The following FAM135B variants were observed in gnomAD, a reference collection of about 807,000 sequenced individuals.
The protein encoded by FAM135B is protein FAM135B.
A neutral mutation model predicts 127.7 loss-of-function variants in FAM135B; 43 were observed. That is an observed-to-expected ratio of 0.34 (90% CI 0.26 to 0.43). FAM135B has a LOEUF of 0.43. FAM135B is among the 20% of genes least tolerant of loss of function. The pLI is 1.00. For missense variants in FAM135B, 1,558 were observed against 1,725.6 expected (o/e 0.90, Z 1.72); for synonymous variants, 670 against 665.1 (o/e 1.01, Z -0.11).
intron 12 of FAM135B, among the ~76,000 whole-genome samples, chr8:138,163,663 C>T (rs1819627981): frequency 6.6e-6 from 1 of 152,154 alleles, no homozygotes; most frequent in Non-Finnish European, 1.5e-5. Context: ...CGTGTGATGC[C>T]TCCCTAGCCA....
intron 9 of FAM135B, among the ~76,000 whole-genome samples, chr8:138,192,063 G>A (rs149009707): frequency 2.0e-3 from 303 of 152,270 alleles, no homozygotes; most frequent in African/African-American, 6.7e-3. Flanking sequence ...CTGTTTCTTC[G>A]TCCACTGAAC....
At position 138,152,078 on chromosome 8, in the gene FAM135B, T is replaced by G. The variant is rs2130755259; in HGVS notation, c.2397A>C (p.Ser799=). The G allele has an allele frequency of 6.2e-7, 1 of 1,613,958 alleles. No individual in the cohort carries two copies. The highest frequency in any genetic ancestry group is 1.1e-5 in the South Asian group (1 of 91,080). ...AACCTTGGCTCTTGCTGTGCATATC[T>G]GAAGGTTCAGCAAAACCTCCATCTT... ...KQQDGGFAEP[S]DMHSKSQGSP... The change falls in exon 13 of 20, where the codon TCA becomes TCC. Residue 799 remains serine, a synonymous_variant. Coordinates refer to ENST00000395297, the MANE Select transcript of FAM135B (RefSeq NM_015912.4).
intron 2 of FAM135B, among the ~76,000 whole-genome samples, chr8:138,334,982 C>T (rs1410676626): frequency 1.3e-5 from 2 of 152,160 alleles, no homozygotes; most frequent in Non-Finnish European, 1.5e-5. Flanking sequence ...CATTTATAAT[C>T]CTTATGCATG....
In FAM135B at chr8:138,141,097, G is replaced by A. The variant is rs116578264; in HGVS notation, c.3790+101C>T. ...CTCCATGCCATGCTTGGAAAAGACT[G>A]CACAGTCACAGGGTTCCAAGTGGAA... is the stretch of plus-strand genomic sequence containing the variant. On this transcript the variant is annotated intron_variant, in intron 17 of 19. Coordinates refer to ENST00000395297, the MANE Select transcript of FAM135B (RefSeq NM_015912.4). This position sits in a 1 kb window ranked among gnomAD's most constrained non-coding sequence, Gnocchi z 4.7. The A allele has an allele frequency of 8.5e-4, 981 of 1,153,794 alleles. 14 individuals carry two copies. In the African/African-American group the frequency reaches 0.014, roughly 16 times the overall value. 71.5% of individuals were successfully genotyped at this position (1,153,794 alleles called of 1,614,324 possible).
chr8:138,493,111 C>T (rs147329232), intron 1 of FAM135B, among the ~76,000 whole-genome samples: 240 of 152,292 alleles, frequency 1.6e-3, no homozygotes, highest in African/African-American at 5.5e-3. Context: ...ATCTCCCTCA[C>T]GAGTCACTCC....
At chr8:138,477,519 T>A (rs1406965254) in intron 1 of FAM135B, 1 of 152,194 alleles carries the variant, frequency 6.6e-6, no homozygotes, top group Non-Finnish European at 1.5e-5. Context: ...TTGATCGTCA[T>A]GGCTACAAGG....
intron 3 of FAM135B, among the ~76,000 whole-genome samples, chr8:138,278,869 T>C (rs556711350): frequency 1.3e-5 from 2 of 152,308 alleles, no homozygotes; most frequent in African/African-American, 4.8e-5. Flanking sequence ...TCAAATGAGA[T>C]GATACAAATC....
At chr8:138,314,663 GC>G (rs1458054545) in intron 2 of FAM135B, among the ~76,000 whole-genome samples, 5 of 108,188 alleles carry the variant, frequency 4.6e-5, no homozygotes, top group African/African-American at 1.4e-4. Flanking sequence ...TTGAGCCCAG[GC>G]TAGGCAATAT....
At chr8:138,348,960 T>A (rs1829601841) in intron 2 of FAM135B, among the ~76,000 whole-genome samples, 1 of 152,256 alleles carries the variant, frequency 6.6e-6, no homozygotes. Flanking sequence ...CAGAGAGTTG[T>A]GGCCAGGGCC....
chr8:138,371,962 C>G (rs1020558539), intron 1 of FAM135B, among the ~76,000 whole-genome samples: 1 of 152,184 alleles, frequency 6.6e-6, no homozygotes, highest in African/African-American at 2.4e-5. Flanking sequence ...GCAGACCTTG[C>G]CCTCATGATG....
intron 3 of FAM135B, among the ~76,000 whole-genome samples, chr8:138,275,059 T>G (rs1313407341): frequency 6.6e-6 from 1 of 152,142 alleles, no homozygotes; most frequent in Non-Finnish European, 1.5e-5. Context: ...ATTGGGGAAG[T>G]GATAAGTGTC....
chr8:138,239,562 T>G (rs1230693510), intron 7 of FAM135B, among the ~76,000 whole-genome samples: 1 of 152,246 alleles, frequency 6.6e-6, no homozygotes, highest in African/African-American at 2.4e-5. Context: ...TTAGTTTAAC[T>G]AGTTCAACAT....
In FAM135B at chr8:138,197,610, G is replaced by C. The variant is rs1400659684; in HGVS notation, c.729C>G (p.Asp243Glu). 3.7e-6 allele frequency: 6 copies of C among 1,614,182 alleles called. No homozygotes were observed. Residue 243 changes from aspartate to glutamate, a missense_variant, in exon 8 of 20, where the codon GAC (aspartate) becomes GAG (glutamate). Asp to Glu is a conservative substitution (Grantham distance 45, BLOSUM62 2). Around this residue, in one of 5 missense-constraint regions of FAM135B, gnomAD observed 127 missense variants for 109.7 expected, o/e 1.16. Transcript: ENST00000395297. ...AAGCGTGGAGGAGCAACAGGCACAG[G>C]TCTCGGTGCCACTTGTGTGCGTGCT... Reference protein sequence around the residue: ...CMQHAHKWHRDLCLLLLHAYR... With the variant: ...CMQHAHKWHRELCLLLLHAYR...
In FAM135B at chr8:138,151,714, T is replaced by G; in HGVS notation, c.2761A>C (p.Ser921Arg). The G allele has an allele frequency of 6.2e-7, 1 of 1,614,204 alleles. No individual in the cohort carries two copies. The highest frequency in any genetic ancestry group is 2.2e-5 in the East Asian group (1 of 44,876). Reference sequence around the variant, plus strand: ...AGACCCTCAACCTCTGAGATGCCACTGTTGGAAAGAGCTTGCTGACCCACA... The same window carrying G: ...AGACCCTCAACCTCTGAGATGCCACGGTTGGAAAGAGCTTGCTGACCCACA... ...LNVGQQALSN[S>R]GISEVEGLSQ... is the part of the protein sequence containing the mutation. Residue 921 changes from serine (S) to arginine (R), a missense_variant, in exon 13 of 20, where the codon AGT (serine) becomes CGT (arginine). By Grantham distance (110) the Ser-to-Arg change is moderately radical (BLOSUM62 -1). This residue lies in a region of FAM135B where 923 missense variants were observed against 865.3 expected (regional missense o/e 1.07). Transcript: ENST00000395297.
intron 15 of FAM135B, among the ~76,000 whole-genome samples, chr8:138,143,346 G>A (rs1307105263): frequency 6.6e-6 from 1 of 152,190 alleles, no homozygotes; most frequent in African/African-American, 2.4e-5. Context: ...TGACACTGAA[G>A]TAGCAAGCTT....
intron 1 of FAM135B, among the ~76,000 whole-genome samples, chr8:138,379,125 C>T (rs1563951851): frequency 6.6e-6 from 1 of 152,158 alleles, no homozygotes; most frequent in African/African-American, 2.4e-5. Flanking sequence ...AAACAGACTC[C>T]TAAGTGTGTG....
chr8:138,266,769 CAT>C (rs1181978598), intron 3 of FAM135B, among the ~76,000 whole-genome samples: 35 of 121,474 alleles, frequency 2.9e-4, no homozygotes, highest in East Asian at 4.8e-4. Flanking sequence ...CATGTAAATA[CAT>C]ATATATACAC....
intron 3 of FAM135B, among the ~76,000 whole-genome samples, chr8:138,268,765 A>ATG (rs1823144825): frequency 6.6e-6 from 1 of 152,170 alleles, no homozygotes; most frequent in Non-Finnish European, 1.5e-5. Context: ...TTTCCTAGCT[A>ATG]TGTGGTAAAT....
chr8:138,391,926 G>A (rs552576454), intron 1 of FAM135B, among the ~76,000 whole-genome samples: 1 of 152,134 alleles, frequency 6.6e-6, no homozygotes, highest in Non-Finnish European at 1.5e-5. Flanking sequence ...TCATCACTAG[G>A]CCATCTGGTC....
Sources: allele counts gnomAD v4.1 joint callset (sites outside exome capture counted in the v4.1 genomes callset), GRCh38; gene constraint gnomAD v4.1.1; regional missense constraint gnomAD v4.1.1; non-coding constraint Gnocchi (gnomAD v3.1); transcripts MANE v1.5; gene names NCBI Gene and HGNC (gene_info 2026-07-23, HGNC 2026-07-21).